Variants in UVRAG observed in about 807,000 individuals in gnomAD.
UVRAG encodes UV radiation resistance associated, also known as UV radiation resistance-associated gene protein.
A neutral mutation model predicts 78.0 loss-of-function variants in UVRAG; 19 were observed. The ratio of observed to expected loss-of-function variants is 0.24; its 90% CI spans 0.17 to 0.36. The LOEUF is 0.36. Ranked by LOEUF, UVRAG falls within the 10% of genes least tolerant of loss-of-function variation. UVRAG has a pLI of 1.00. For synonymous variants in UVRAG, 323 were observed against 324.6 expected (o/e 1.00, Z 0.05); for missense variants, 740 against 853.8 (o/e 0.87, Z 1.66).
chr11:75,990,031 A>G (rs1292883295), intron 8 of UVRAG, among the ~76,000 whole-genome samples: 1 of 152,262 alleles, frequency 6.6e-6, no homozygotes, highest in Non-Finnish European at 1.5e-5. Context: ...TAAATGAGAT[A>G]TAATAGGAAA....
rs626180 is a variant in UVRAG at position 76,132,145 on chromosome 11, G to A, written c.1398-8566G>A. On this transcript the variant is annotated intron_variant, in intron 14 of 14. Transcript: ENST00000356136. ...GAAACTATTATTGCTTTTTAACACA[G>A]TTGACATGATATTGGCGCAGACTAG... Among the ~76,000 whole-genome samples the A allele has an allele frequency of 3.2e-3, 491 of 152,270 alleles. 2 individuals are homozygous for A. Among genetic ancestry groups the A allele is most frequent in the South Asian group, 5.2e-3 (25 of 4,824 alleles).
intron 13 of UVRAG, among the ~76,000 whole-genome samples, chr11:76,086,894 T>G (rs1429796466): frequency 6.6e-6 from 1 of 152,244 alleles, no homozygotes; most frequent in Non-Finnish European, 1.5e-5. Flanking sequence ...GCTTAGTTAG[T>G]CATCTGAATT....
chr11:75,979,296 G>A (rs925812943), intron 7 of UVRAG, among the ~76,000 whole-genome samples: 9 of 152,198 alleles, frequency 5.9e-5, no homozygotes, highest in Non-Finnish European at 8.8e-5. Context: ...GCTGGGAGGT[G>A]CCTCCCAGTT....
chr11:76,022,473 T>G (rs1311483343), intron 12 of UVRAG, among the ~76,000 whole-genome samples: 1 of 152,194 alleles, frequency 6.6e-6, no homozygotes, highest in African/African-American at 2.4e-5. Flanking sequence ...CCTCTGTTGT[T>G]TTGTGCACAT....
At chr11:76,101,817 G>T (rs887696271) in intron 13 of UVRAG, among the ~76,000 whole-genome samples, 1 of 152,168 alleles carries the variant, frequency 6.6e-6, no homozygotes, top group Non-Finnish European at 1.5e-5. Flanking sequence ...AGTTATCCCA[G>T]CACCATTTAT....
chr11:75,817,845 A>G (rs1590889418), intron 1 of UVRAG, among the ~76,000 whole-genome samples: 1 of 150,712 alleles, frequency 6.6e-6, no homozygotes, highest in South Asian at 2.1e-4. Flanking sequence ...GAAGTTCAAG[A>G]CCAGCCTGGC....
chr11:76,126,505 C>G (rs927135460), intron 14 of UVRAG, among the ~76,000 whole-genome samples: 1 of 152,226 alleles, frequency 6.6e-6, no homozygotes, highest in Non-Finnish European at 1.5e-5. Flanking sequence ...TCATGGTGGA[C>G]AGCACAGTCC....
intron 13 of UVRAG, among the ~76,000 whole-genome samples, chr11:76,092,583 G>A (rs1227135216): frequency 1.3e-5 from 2 of 152,190 alleles, no homozygotes; most frequent in African/African-American, 4.8e-5. Flanking sequence ...TTTCTCTGAT[G>A]GCCAGTGATG....
chr11:76,134,587 C>T (rs1055190415), intron 14 of UVRAG, among the ~76,000 whole-genome samples: 3 of 152,138 alleles, frequency 2.0e-5, no homozygotes, highest in South Asian at 4.1e-4. Flanking sequence ...AGTCCTTCTT[C>T]TACCTATTAC....
rs1379064488 is a variant in UVRAG, at chr11:76,141,396, A to G, written c.2083A>G (p.Arg695Gly). The change falls in exon 15 of 15, where the codon AGG becomes GGG. Residue 695 changes from arginine (R) to glycine (G), a missense_variant. Transcript: ENST00000356136. ...CGTATCCAGCTTCCGCCGGCCGCGC[A>G]GGAGTTCCGATAAGTGAAGTGAGCA... ...ENVSSFRRPR[R>G]SSDK The G allele has an allele frequency of 3.1e-6, 5 of 1,613,160 alleles. 1 individual carries two copies. The South Asian group carries it at 3.3e-5, about 11-fold the overall frequency.
intron 12 of UVRAG, among the ~76,000 whole-genome samples, chr11:76,022,365 T>C (rs1315195048): frequency 1.3e-5 from 2 of 152,202 alleles, no homozygotes; most frequent in Non-Finnish European, 2.9e-5. Flanking sequence ...AATGTTCCAT[T>C]TATGACTGGG....
At chr11:75,977,860 C>T (rs536269827) in intron 7 of UVRAG, among the ~76,000 whole-genome samples, 1 of 152,238 alleles carries the variant, frequency 6.6e-6, no homozygotes, top group East Asian at 1.9e-4. Flanking sequence ...GAGCATTTAG[C>T]CCATTTACAC....
At chr11:76,052,243 T>C (rs1306354614) in intron 12 of UVRAG, among the ~76,000 whole-genome samples, 1 of 152,214 alleles carries the variant, frequency 6.6e-6, no homozygotes, top group Non-Finnish European at 1.5e-5. Flanking sequence ...TTTGAAAACT[T>C]GTTGAATGAA....
intron 12 of UVRAG, among the ~76,000 whole-genome samples, chr11:76,033,828 A>G (rs561062643): frequency 6.6e-6 from 1 of 152,290 alleles, no homozygotes; most frequent in South Asian, 2.1e-4. Flanking sequence ...AAAAATTAGA[A>G]TGTCTATTTA....
In UVRAG at chr11:75,999,625, C is replaced by T. The variant is rs989081621; in HGVS notation, c.827-4380C>T. Among the ~76,000 whole-genome samples the T allele has an allele frequency of 1.7e-4, 26 of 152,082 alleles. No individual in the cohort carries two copies. In the East Asian group the frequency reaches 4.1e-3, roughly 24 times the overall value. ...CGAACTCCTGACCTTGTGATCTGCC[C>T]GCCTTGGCCTCCCAAAGTGCTGGGA... On this transcript the variant is annotated intron_variant, in intron 8 of 14. Coordinates refer to ENST00000356136, the MANE Select transcript of UVRAG (RefSeq NM_003369.4).
At chr11:76,041,567 C>G (rs532253876) in intron 12 of UVRAG, among the ~76,000 whole-genome samples, 17 of 152,288 alleles carry the variant, frequency 1.1e-4, no homozygotes, top group African/African-American at 3.6e-4. Flanking sequence ...TGTCTAACAC[C>G]ATGCCCTGCC....
chr11:76,065,372 G>T (rs1951166754), intron 12 of UVRAG, among the ~76,000 whole-genome samples: 1 of 152,140 alleles, frequency 6.6e-6, no homozygotes, highest in Non-Finnish European at 1.5e-5. Context: ...ATATTAGAGG[G>T]AAAAATTTCT....
intron 13 of UVRAG, among the ~76,000 whole-genome samples, chr11:76,066,024 T>G (rs1951178171): frequency 6.6e-6 from 1 of 152,198 alleles, no homozygotes; most frequent in African/African-American, 2.4e-5. Flanking sequence ...ACTCAGAATC[T>G]TTTTTTGTAT....
At chr11:76,132,844 A>G (rs1591271260) in intron 14 of UVRAG, among the ~76,000 whole-genome samples, 1 of 152,206 alleles carries the variant, frequency 6.6e-6, no homozygotes, top group Non-Finnish European at 1.5e-5. Flanking sequence ...CCCATCCTCA[A>G]GTAGAAGTAG....
Sources: allele counts gnomAD v4.1 joint callset (sites outside exome capture counted in the v4.1 genomes callset), GRCh38; gene constraint gnomAD v4.1.1; transcripts MANE v1.5; gene names NCBI Gene and HGNC (gene_info 2026-07-23, HGNC 2026-07-21).